The following JUP variants were observed in gnomAD, a reference collection of about 807,000 sequenced individuals.
JUP encodes the protein catenin (cadherin-associated protein), gamma 80kDa.
A neutral mutation model predicts 71.1 loss-of-function variants in JUP; 28 were observed. That is an observed-to-expected ratio of 0.39 (90% CI 0.29 to 0.54). JUP has a LOEUF of 0.54. JUP is among the 20% of genes least tolerant of loss of function. The pLI, the probability that JUP is intolerant of heterozygous loss-of-function variation, is 0.62. For synonymous variants in JUP, 401 were observed against 438.9 expected (o/e 0.91, Z 1.08); for missense variants, 869 against 1,030.1 (o/e 0.84, Z 2.14).
In JUP at chr17:41,771,714, C is replaced by G. The variant is rs2143735148; in HGVS notation, c.141G>C (p.Glu47Asp). 1.2e-6 allele frequency: 2 copies of G among 1,614,188 alleles called. No individual in the cohort carries two copies. Among genetic ancestry groups the G allele is most frequent in the Non-Finnish European group, 1.7e-6 (2 of 1,180,030 alleles). ...TGAGCGTGTACTGGCGCCCGCAGGC[C>G]TCATCCTCCTCCATGATGCCCTTGC... ...VSSKGIMEED[E>D]ACGRQYTLKK... Residue 47 changes from glutamate to aspartate, a missense_variant, in exon 2 of 14, where the codon GAG becomes GAC. Glu to Asp is a conservative substitution (Grantham distance 45). Coordinates refer to ENST00000393931, the MANE Select transcript of JUP (RefSeq NM_002230.4).
intron 5 of JUP, 41 bp from the exon 6 acceptor site, chr17:41,765,108 T>G: frequency 6.2e-7 from 1 of 1,602,610 alleles, no homozygotes; most frequent in Non-Finnish European, 8.5e-7. Flanking sequence ...GGACGGGGAA[T>G]ATGACAGGAA....
At chr17:41,764,016 C>T (rs1555602779) in intron 7 of JUP, among the ~76,000 whole-genome samples, 2 of 152,218 alleles carry the variant, frequency 1.3e-5, no homozygotes, top group Admixed American at 1.3e-4. Flanking sequence ...GGGTCCCACA[C>T]TCTAACCCCA....
Position 41,754,896 on chromosome 17 carries a change from A to C in JUP, c.*848T>G, listed in dbSNP as rs1555596619. The C allele has an allele frequency of 6.3e-6, 1 of 157,630 alleles. No homozygotes were observed. Among genetic ancestry groups the C allele is most frequent in the East Asian group, 1.8e-4 (1 of 5,436 alleles). 9.8% of individuals were successfully genotyped at this position (157,630 alleles called of 1,614,324 possible). On this transcript the variant is annotated 3_prime_UTR_variant, in exon 14 of 14. Transcript: ENST00000393931. ...CTCCCTGGGGAGTGAGGGGTGGGCA[A>C]AGCCAACTAAGCACCCTGGAGAGAG... is the stretch of plus-strand genomic sequence containing the variant.
At position 41,757,433 on chromosome 17, in the gene JUP, G is replaced by A. The variant is rs782177460; in HGVS notation, c.2028C>T (p.Asp676=). 2 of 1,614,268 alleles carry A rather than the reference G, an allele frequency of 1.2e-6. No homozygotes were observed. Among genetic ancestry groups the A allele is most frequent in the South Asian group, 1.1e-5 (1 of 91,086 alleles). ...TACTCACAGCCTCCCAGGCAGCCGG[G>A]TCATGCTTGAAGAGGGAGTTGGTGA... ...VELTNSLFKH[D]PAAWEAAQSM... Residue 676 remains aspartate (D), a synonymous_variant, in exon 12 of 14, where the codon GAC becomes GAT. Coordinates refer to ENST00000393931, the MANE Select transcript of JUP (RefSeq NM_002230.4).
rs560213163 is a variant in JUP at position 41,784,226 on chromosome 17, C to T, written c.-9+2362G>A. On this transcript the variant is annotated intron_variant, in intron 1 of 13. Transcript: ENST00000393931. ...AGCCCTAGCCCGACCTTTTTCGTTC[C>T]TATGCACTGCATTCTCAAAGCCTCG... 3.3e-5 allele frequency among the ~76,000 whole-genome samples: 5 copies of T among 152,068 alleles called. 1 individual carries two copies. Among genetic ancestry groups the T allele is most frequent in the African/African-American group, 9.6e-5 (4 of 41,490 alleles).
chr17:41,765,543 G>C (rs1555603738), intron 5 of JUP, among the ~76,000 whole-genome samples: 1 of 151,820 alleles, frequency 6.6e-6, no homozygotes, highest in Non-Finnish European at 1.5e-5. Flanking sequence ...GGTAGAGACA[G>C]GGTTTCACTA....
At chr17:41,779,574 C>T (rs1265621906) in intron 1 of JUP, among the ~76,000 whole-genome samples, 1 of 152,036 alleles carries the variant, frequency 6.6e-6, no homozygotes, top group Non-Finnish European at 1.5e-5. Flanking sequence ...GTGATGCGCC[C>T]GCCTCGGCCT....
rs529491666 is a variant in JUP, at chr17:41,767,674, C to T, written c.708-94G>A. On this transcript the variant is annotated intron_variant, in intron 4 of 13. Transcript: ENST00000393931. ...GGTTCCCACCTCCCCCAGGAAGCCT[C>T]CCCGCTACTGACGCCCCTCTGGAAA... 3.1e-6 allele frequency: 3 copies of T among 970,852 alleles called. No homozygotes were observed. In the East Asian group the frequency reaches 7.8e-5, roughly 25 times the overall value. The allele number at this position is 970,852 out of a possible 1,614,324, so 60.1% of individuals were successfully genotyped here.
At chr17:41,777,645 G>A (rs1007857629) in intron 1 of JUP, among the ~76,000 whole-genome samples, 3 of 152,224 alleles carry the variant, frequency 2.0e-5, no homozygotes, top group Non-Finnish European at 2.9e-5. Flanking sequence ...TTAGGCTTCC[G>A]GAGGAAAACC....
At chr17:41,757,811 G>C in intron 10 of JUP, 27 bp from the exon 11 acceptor site, 1 of 1,592,294 alleles carries the variant, frequency 6.3e-7, no homozygotes, top group East Asian at 2.2e-5. Flanking sequence ...TGGGAAGCAG[G>C]GGAGAGGTGG....
intron 1 of JUP, among the ~76,000 whole-genome samples, chr17:41,778,705 A>C (rs952301638): frequency 6.9e-6 from 1 of 144,584 alleles, no homozygotes; most frequent in Non-Finnish European, 1.5e-5. Context: ...AGGTCAGGAG[A>C]TCGAGACCAT....
At chr17:41,758,185 T>G (rs998977414) in intron 10 of JUP, 16 of 562,996 alleles carry the variant, frequency 2.8e-5, no homozygotes, top group African/African-American at 3.7e-5. Context: ...TTTGTTTTTT[T>G]TTTCCATTTG....
chr17:41,760,031 T>C (rs770392534), intron 8 of JUP, among the ~76,000 whole-genome samples: 1 of 151,748 alleles, frequency 6.6e-6, no homozygotes, highest in Non-Finnish European at 1.5e-5. Flanking sequence ...CTGGCCAACA[T>C]GGTGAAACCA....
chr17:41,780,436 GTAATCCC>G (rs2047104216), intron 1 of JUP, among the ~76,000 whole-genome samples: 2 of 148,620 alleles, frequency 1.3e-5, no homozygotes, highest in African/African-American at 2.5e-5. Flanking sequence ...GCTCACGCCT[GTAATCCC>G]AGCACTTTGG....
intron 4 of JUP, among the ~76,000 whole-genome samples, chr17:41,768,717 A>G (rs901553220): frequency 2.0e-5 from 3 of 152,204 alleles, no homozygotes; most frequent in Admixed American, 1.3e-4. Context: ...ATCCCCTGCC[A>G]TTAAGCGATT....
intron 8 of JUP, among the ~76,000 whole-genome samples, chr17:41,761,077 T>C (rs1256563250): frequency 1.3e-5 from 2 of 152,154 alleles, no homozygotes. Flanking sequence ...GCCCACACCC[T>C]GACCCACTCT....
At chr17:41,757,206 G>A (rs1466040086) in intron 12 of JUP, among the ~76,000 whole-genome samples, 3 of 152,138 alleles carry the variant, frequency 2.0e-5, no homozygotes, top group Non-Finnish European at 1.5e-5. Flanking sequence ...CTCAAACACT[G>A]TATACTCATT....
intron 1 of JUP, among the ~76,000 whole-genome samples, chr17:41,780,873 C>G (rs1156688068): frequency 1.3e-5 from 2 of 151,580 alleles, no homozygotes; most frequent in African/African-American, 4.8e-5. Context: ...GGTGAAACCC[C>G]GTCTCTACTA....
intron 7 of JUP, among the ~76,000 whole-genome samples, chr17:41,764,082 A>G (rs1567811177): frequency 6.6e-6 from 1 of 152,224 alleles, no homozygotes; most frequent in Non-Finnish European, 1.5e-5. Flanking sequence ...CAGGGTGAGC[A>G]CTTGATAAAC....
Sources: gnomAD v4.1 joint callset for allele counts (sites outside exome capture counted in the v4.1 genomes callset) on GRCh38, gnomAD v4.1.1 for gene constraint, MANE v1.5 for transcripts, NCBI Gene and HGNC (gene_info 2026-07-23, HGNC 2026-07-21) for gene names.